The following PP2D1 variants were observed in gnomAD, a reference collection of about 807,000 sequenced individuals.
PP2D1 encodes the protein protein phosphatase 2C like domain containing 1.
In PP2D1, 25 loss-of-function variants were observed where a neutral mutation model predicts 30.2. That is an observed-to-expected ratio of 0.83 (90% CI 0.60 to 1.16). The LOEUF (loss-of-function observed/expected upper bound fraction) is 1.16, where lower values mean the gene tolerates loss of function less well. Among genes scored for constraint, PP2D1 ranks in the 50% most tolerant of loss-of-function variants. PP2D1 has a pLI of 0.00. For synonymous variants in PP2D1, 260 were observed against 258.9 expected, an observed-to-expected ratio of 1.00 and a Z score of -0.04; for missense variants, 760 against 742.4, an observed-to-expected ratio of 1.02 and a Z score of -0.28.
chr3:20,008,975 C>T (rs1697355315), intron 1 of PP2D1, among the ~76,000 whole-genome samples: 1 of 152,036 alleles, frequency 6.6e-6, no homozygotes, highest in Non-Finnish European at 1.5e-5. Context: ...AAATACATTA[C>T]ATAAAGGCAT....
At chr3:19,986,833 G>A (rs1332782669) in intron 2 of PP2D1, among the ~76,000 whole-genome samples, 5 of 152,026 alleles carry the variant, frequency 3.3e-5, no homozygotes, top group African/African-American at 4.8e-5. Context: ...TCAGGCGTTC[G>A]AGACCAGCCT....
intron 2 of PP2D1, among the ~76,000 whole-genome samples, chr3:19,993,731 CTGTTTGTT>C (rs531963381): frequency 5.9e-5 from 9 of 151,916 alleles, no homozygotes; most frequent in South Asian, 2.1e-4. Flanking sequence ...CAGAGCAAGA[CTGTTTGTT>C]TGTTTGTTTG....
At chr3:20,000,956 TG>T in intron 2 of PP2D1, 73 bp downstream of exon 2, 1 of 772,162 alleles carries the variant, frequency 1.3e-6, no homozygotes, top group Non-Finnish European at 1.8e-6. Context: ...TAAAAAATTG[TG>T]GAAGCATGAG....
downstream of PP2D1, chr3:19,985,205 G>T: frequency 7.6e-6 from 4 of 525,480 alleles, no homozygotes; most frequent in South Asian, 6.8e-5. Context: ...CCTTTTTTTT[G>T]GCATAAAACA....
intron 1 of PP2D1, among the ~76,000 whole-genome samples, chr3:20,003,394 T>TA (rs1559499725): frequency 1.0e-4 from 15 of 150,694 alleles, no homozygotes; most frequent in South Asian, 2.1e-4. Flanking sequence ...GTTTTTTTTT[T>TA]TAAAAAAAAG....
intron 2 of PP2D1, among the ~76,000 whole-genome samples, chr3:19,991,524 A>G (rs969494237): frequency 3.3e-5 from 5 of 152,208 alleles, no homozygotes; most frequent in Non-Finnish European, 7.3e-5. Flanking sequence ...GAAAAATAAA[A>G]ACACACCTAG....
intron 1 of PP2D1, among the ~76,000 whole-genome samples, chr3:20,003,904 A>G (rs1697285932): frequency 6.6e-6 from 1 of 152,238 alleles, no homozygotes; most frequent in South Asian, 2.1e-4. Flanking sequence ...TTACAAAAGA[A>G]TCAAAAAGTT....
chr3:19,980,455 CT>C (rs869252193), downstream of PP2D1, among the ~76,000 whole-genome samples: 12 of 118,460 alleles, frequency 1.0e-4, no homozygotes, highest in East Asian at 4.4e-4. Context: ...ATTTTTTTTT[CT>C]TTTTTTTTTT....
intron 2 of PP2D1, among the ~76,000 whole-genome samples, chr3:19,988,454 C>T (rs1697071841): frequency 6.6e-6 from 1 of 152,172 alleles, no homozygotes; most frequent in Admixed American, 6.5e-5. Flanking sequence ...GTTGTCTGCT[C>T]TCAAACCCTG....
At chr3:20,011,417 C>A (rs180986073) in intron 1 of PP2D1, among the ~76,000 whole-genome samples, 3 of 152,100 alleles carry the variant, frequency 2.0e-5, no homozygotes, top group African/African-American at 7.2e-5. Flanking sequence ...TTTTTCCATA[C>A]GCCGGGGACA....
chr3:19,991,423 G>A (rs1697118331), intron 2 of PP2D1, among the ~76,000 whole-genome samples: 1 of 152,186 alleles, frequency 6.6e-6, no homozygotes, highest in Non-Finnish European at 1.5e-5. Context: ...ATTAAAACAA[G>A]AGAGTTTAAA....
chr3:20,007,386 G>GAAAAA (rs1697332586), intron 1 of PP2D1, among the ~76,000 whole-genome samples: 1 of 152,074 alleles, frequency 6.6e-6, no homozygotes, highest in Non-Finnish European at 1.5e-5. Flanking sequence ...GACTGACTCT[G>GAAAAA]TTGTGAAAAA....
rs1437228619 is a variant in PP2D1 at position 19,985,756 on chromosome 3, T to G, written c.1517A>C (p.Lys506Thr). 2.0e-6 allele frequency: 3 copies of G among 1,535,970 alleles called. No individual in the cohort carries two copies. The highest frequency in any genetic ancestry group is 2.7e-5 in the African/African-American group (2 of 73,050). The change falls in exon 3 of 3, where the codon AAA (lysine) becomes ACA (threonine). Residue 506 changes from lysine (K) to threonine (T), a missense_variant. Transcript: ENST00000389050. ...LFSTSEPNLT[K>T]SQSNIHVLFQ... ...CAATACGTGGATATTACTCTGTGAT[T>G]TAGTAAGGTTTGGTTCACTGGTTGA...
At chr3:19,994,125 C>T (rs1485809793) in intron 2 of PP2D1, among the ~76,000 whole-genome samples, 1 of 151,780 alleles carries the variant, frequency 6.6e-6, no homozygotes, top group Non-Finnish European at 1.5e-5. Flanking sequence ...AATGGCTCAC[C>T]ACAACAAAGC....
At chr3:19,994,384 C>T (rs1292562290) in intron 2 of PP2D1, among the ~76,000 whole-genome samples, 1 of 152,174 alleles carries the variant, frequency 6.6e-6, no homozygotes. Flanking sequence ...AGCATCAGAG[C>T]ACTTTGGGAG....
rs1289875136 is a variant in PP2D1, at chr3:19,985,568, CAGTT to C, written c.1701_1704del (p.Arg570GlnfsTer4). The C allele has an allele frequency of 2.0e-6, 3 of 1,536,048 alleles. No individual in the cohort carries two copies. The highest frequency in any genetic ancestry group is 1.7e-4 in the Middle Eastern group (1 of 5,988). ...ACATCATTTACACTAGTTGGTCTGT[CAGTT>C]ACTTTTTCACTGCAAGGTTTACGAT... On this transcript the variant is annotated frameshift_variant, in exon 3 of 3. Coordinates refer to ENST00000389050, the MANE Select transcript of PP2D1 (RefSeq NM_001252657.2). LOFTEE classifies it low-confidence loss of function (END_TRUNC).
chr3:19,981,613 C>CAAA (rs11307995), downstream of PP2D1, among the ~76,000 whole-genome samples: 2 of 138,942 alleles, frequency 1.4e-5, no homozygotes, highest in African/African-American at 5.2e-5. Context: ...GACTCCGCCT[C>CAAA]AAAAAAAAAA....
intron 2 of PP2D1, among the ~76,000 whole-genome samples, chr3:19,993,038 CAAAAGA>C (rs1452797948): frequency 1.3e-5 from 2 of 151,804 alleles, no homozygotes; most frequent in Non-Finnish European, 2.9e-5. Context: ...AACCTCATCT[CAAAAGA>C]AAAAGAAAAA....
chr3:20,001,263 A>G lies in PP2D1; in HGVS notation c.857T>C (p.Phe286Ser), dbSNP rs1192792875. The G allele has an allele frequency of 6.5e-7, 1 of 1,535,992 alleles. No individual in the cohort carries two copies. Among genetic ancestry groups the G allele is most frequent in the African/African-American group, 1.4e-5 (1 of 73,050 alleles). ...RCEYEDTHKAFAKAFWRMDRL... is the reference protein window; with the variant it reads ...RCEYEDTHKASAKAFWRMDRL... Reference sequence around the variant, plus strand: ...ATCCATTCTCCAAAATGCTTTTGCAAAGGCTTTGTGTGTGTCCTCATACTC... The same window carrying G: ...ATCCATTCTCCAAAATGCTTTTGCAGAGGCTTTGTGTGTGTCCTCATACTC... Residue 286 changes from phenylalanine to serine, a missense_variant, in exon 2 of 3, where the codon TTT (phenylalanine) becomes TCT (serine). Phe to Ser is a radical substitution (Grantham distance 155). Transcript: ENST00000389050.
Sources: gnomAD v4.1 joint callset for allele counts (sites outside exome capture counted in the v4.1 genomes callset) on GRCh38, gnomAD v4.1.1 for gene constraint, MANE v1.5 for transcripts, NCBI Gene and HGNC (gene_info 2026-07-23, HGNC 2026-07-21) for gene names.